Variants in DPF3 observed in about 807,000 individuals in gnomAD.
The protein encoded by DPF3 is double PHD fingers 3, also known as zinc finger protein DPF3.
DPF3 carries 18 observed loss-of-function variants against 56.8 expected under a neutral mutation model. That is an observed-to-expected ratio of 0.32 (90% CI 0.22 to 0.47). The LOEUF is 0.47. Among genes scored for constraint, DPF3 ranks in the 20% least tolerant of loss-of-function variants. DPF3 has a pLI of 1.00. For missense variants in DPF3, 403 were observed against 488.8 expected, an observed-to-expected ratio of 0.82 and a Z score of 1.65; for synonymous variants, 188 against 180.2, an observed-to-expected ratio of 1.04 and a Z score of -0.35.
chr14:72,814,622 C>T (rs371978807), intron 1 of DPF3, among the ~76,000 whole-genome samples: 17 of 152,050 alleles, frequency 1.1e-4, no homozygotes, highest in Admixed American at 7.2e-4. Flanking sequence ...TGAGACCAGC[C>T]TGGCCAACAA....
chr14:72,678,054 G>A (rs1291470593), intron 7 of DPF3, among the ~76,000 whole-genome samples: 1 of 152,150 alleles, frequency 6.6e-6, no homozygotes, highest in Non-Finnish European at 1.5e-5. Flanking sequence ...CTTTATATAT[G>A]TTATTTCATT....
At chr14:72,790,988 G>A (rs534084485) in intron 1 of DPF3, among the ~76,000 whole-genome samples, 202 of 152,234 alleles carry the variant, frequency 1.3e-3, no homozygotes, top group Non-Finnish European at 2.0e-3. Flanking sequence ...GGCAGGTGCC[G>A]AGAGAGGGAA....
chr14:72,878,853 C>T (rs1886216028), intron 1 of DPF3, among the ~76,000 whole-genome samples: 1 of 152,254 alleles, frequency 6.6e-6, no homozygotes, highest in Non-Finnish European at 1.5e-5. Flanking sequence ...ATCCTACATG[C>T]AAGCAAGGCC....
At chr14:72,622,366 C>T (rs1309105061) in intron 9 of DPF3, among the ~76,000 whole-genome samples, 3 of 152,136 alleles carry the variant, frequency 2.0e-5, no homozygotes, top group East Asian at 1.9e-4. Flanking sequence ...CTGTAGTTTA[C>T]GCCAAAACAG....
rs896947564 is a variant in DPF3 at position 72,813,395 on chromosome 14, G to C, written c.33-41502C>G. On this transcript the variant is annotated intron_variant, in intron 1 of 10. Transcript: ENST00000556509. ...AATCCCAGCTGATAGGAACTGCTGAGCGCTTGCAGCTTTTAAAGCCCCTCT... is the reference window on the plus strand; with the variant it reads ...AATCCCAGCTGATAGGAACTGCTGACCGCTTGCAGCTTTTAAAGCCCCTCT... Among the ~76,000 whole-genome samples, 3 of 152,206 alleles carry C rather than the reference G, an allele frequency of 2.0e-5. No individual in the cohort carries two copies. In the South Asian group the frequency reaches 6.2e-4, roughly 31 times the overall value.
At chr14:72,789,482 G>T (rs1892341981) in intron 1 of DPF3, among the ~76,000 whole-genome samples, 1 of 152,134 alleles carries the variant, frequency 6.6e-6, no homozygotes, top group African/African-American at 2.4e-5. Flanking sequence ...ATTTTGTGTT[G>T]TATCTATCCG....
intron 1 of DPF3, among the ~76,000 whole-genome samples, chr14:72,822,482 A>G (rs1389977845): frequency 6.6e-6 from 1 of 152,230 alleles, no homozygotes; most frequent in East Asian, 1.9e-4. Context: ...AAGGGAGAAA[A>G]AAATAAAAGG....
chr14:72,640,901 C>A (rs769980838), intron 8 of DPF3, among the ~76,000 whole-genome samples: 2 of 151,956 alleles, frequency 1.3e-5, no homozygotes, highest in Non-Finnish European at 2.9e-5. Flanking sequence ...AGGAAGAGAC[C>A]ACAGAGCACA....
intron 1 of DPF3, among the ~76,000 whole-genome samples, chr14:72,871,073 C>T: frequency 6.6e-6 from 1 of 152,144 alleles, no homozygotes; most frequent in East Asian, 1.9e-4. Context: ...GAAGCAGAAA[C>T]CCCAGATAAA....
At chr14:72,701,686 C>T (rs1203637271) in intron 6 of DPF3, among the ~76,000 whole-genome samples, 2 of 152,198 alleles carry the variant, frequency 1.3e-5, no homozygotes, top group African/African-American at 4.8e-5. Context: ...GGCACATTTT[C>T]ATCAGCCCAA....
chr14:72,814,510 T>C (rs957192576), intron 1 of DPF3, among the ~76,000 whole-genome samples: 2 of 152,188 alleles, frequency 1.3e-5, no homozygotes, highest in African/African-American at 4.8e-5. Context: ...TCTTACCTCA[T>C]ACCCTAGATA....
intron 1 of DPF3, among the ~76,000 whole-genome samples, chr14:72,847,166 C>T (rs931573343): frequency 2.0e-5 from 3 of 152,166 alleles, no homozygotes; most frequent in Non-Finnish European, 2.9e-5. Context: ...TTCTTGAACA[C>T]GTCTTTCCTT....
At chr14:72,846,375 GC>G (rs1258523242) in intron 1 of DPF3, among the ~76,000 whole-genome samples, 37 of 121,838 alleles carry the variant, frequency 3.0e-4, no homozygotes, top group Middle Eastern at 0.011. Flanking sequence ...TCACTCTGTC[GC>G]CCAGGCTGGA....
At chr14:72,813,922 T>C (rs1421118318) in intron 1 of DPF3, among the ~76,000 whole-genome samples, 3 of 151,980 alleles carry the variant, frequency 2.0e-5, no homozygotes, top group African/African-American at 7.3e-5. Flanking sequence ...TGCAGAACAA[T>C]GGGAGTTTAA....
intron 1 of DPF3, among the ~76,000 whole-genome samples, chr14:72,777,983 C>A (rs8018881): frequency 0.11 from 16,036 of 152,140 alleles, 1,460 homozygotes; most frequent in East Asian, 0.24. Flanking sequence ...GAGGATGGAG[C>A]CCTCATGATG....
intron 1 of DPF3, among the ~76,000 whole-genome samples, chr14:72,858,982 C>T (rs1375333677): frequency 6.6e-6 from 1 of 152,126 alleles, no homozygotes; most frequent in Non-Finnish European, 1.5e-5. Flanking sequence ...TATGCACACA[C>T]ATACCTATAT....
intron 1 of DPF3, among the ~76,000 whole-genome samples, chr14:72,818,794 T>C (rs1883403002): frequency 1.3e-5 from 2 of 152,240 alleles, no homozygotes; most frequent in African/African-American, 2.4e-5. Flanking sequence ...GCATCTTTTA[T>C]GTTACGTATA....
rs181103131 is a variant in DPF3, at chr14:72,658,533, A to T, written c.871+15707T>A. Among the ~76,000 whole-genome samples, 708 of 152,304 alleles carry T rather than the reference A, an allele frequency of 4.6e-3. 3 individuals are homozygous for T. Among genetic ancestry groups the T allele is most frequent in the African/African-American group, 0.016 (678 of 41,562 alleles). ...TCAATAAGAATAAACTGAATTTTTT[A>T]AAAAATCTCTAAACTGTACAACTCT... On this transcript the variant is annotated intron_variant, in intron 8 of 10. Transcript: ENST00000556509.
rs1279677586 is a variant in DPF3 at position 72,615,054 on chromosome 14, T to C, written c.*4243A>G. Among the ~76,000 whole-genome samples, 1 of 151,010 alleles carries C rather than the reference T, an allele frequency of 6.6e-6. No individual in the cohort carries two copies. Among genetic ancestry groups the C allele is most frequent in the Non-Finnish European group, 1.5e-5 (1 of 67,788 alleles). Reference sequence around the variant, plus strand: ...TCCTGTGGGAGTGTGAGCGTGGCTCTGGCCAGAGCCAACTTCTCCCTCGGG... The same window carrying C: ...TCCTGTGGGAGTGTGAGCGTGGCTCCGGCCAGAGCCAACTTCTCCCTCGGG... On this transcript the variant is annotated 3_prime_UTR_variant, in exon 11 of 11. Transcript: ENST00000556509.
Sources: gnomAD v4.1 joint callset for allele counts (sites outside exome capture counted in the v4.1 genomes callset) on GRCh38, gnomAD v4.1.1 for gene constraint, MANE v1.5 for transcripts, NCBI Gene and HGNC (gene_info 2026-07-23, HGNC 2026-07-21) for gene names.